The following ALG13 variants were observed in gnomAD, a reference collection of about 807,000 sequenced individuals.
ALG13 encodes UDP-N-acetylglucosamine transferase subunit ALG13.
Under a neutral mutation model 87.8 loss-of-function variants are expected in ALG13, and 11 were observed. The observed-to-expected ratio is 0.13, with a 90% CI of 0.08 to 0.21. ALG13 has a LOEUF of 0.21. Ranked by LOEUF, ALG13 falls within the 10% of genes least tolerant of loss-of-function variation. ALG13 has a pLI of 1.00. For missense variants in ALG13, 756 were observed against 866.1 expected (o/e 0.87, Z 1.60); for synonymous variants, 320 against 306.3 (o/e 1.04, Z -0.47).
At chrX:111,753,898 A>T (rs763372212) in intron 25 of ALG13, among the ~76,000 whole-genome samples, 34 of 112,050 alleles carry the variant, frequency 3.0e-4, no homozygotes, top group Non-Finnish European at 5.5e-4. Flanking sequence ...ATAGAAAGAG[A>T]GGAACTCCTT....
chrX:111,691,721 G>A lies in ALG13; in HGVS notation c.383+6618G>A, dbSNP rs915494536. 4.5e-5 allele frequency among the ~76,000 whole-genome samples: 5 copies of A among 111,683 alleles called. No individual in the cohort carries two copies. In the East Asian group the frequency reaches 1.4e-3, roughly 31 times the overall value. On this transcript the variant is annotated intron_variant, in intron 3 of 26. Transcript: ENST00000394780. ...TTTTCCTAAGAAATTTAGATTGTAT[G>A]TTAGCCACAGGCGTAACGGTATGCT...
rs1425502595 is a variant in ALG13, at chrX:111,685,703, CAG to C, written c.383+601_383+602del. Among the ~76,000 whole-genome samples, 24 of 111,931 alleles carry C rather than the reference CAG, an allele frequency of 2.1e-4. No individual in the cohort carries two copies. The East Asian group carries it at 6.8e-3, about 32-fold the overall frequency. ...GAAATGTACTATGAAGAAAGTAAGACAGGGTGATGTGGTAGCTGGGGTGAAGA... is the reference window on the plus strand; with the variant it reads ...GAAATGTACTATGAAGAAAGTAAGACGGTGATGTGGTAGCTGGGGTGAAGA... On this transcript the variant is annotated intron_variant, in intron 3 of 26. Coordinates refer to ENST00000394780, the MANE Select transcript of ALG13 (RefSeq NM_001099922.3).
At chrX:111,701,231 A>C (rs1203582037) in intron 3 of ALG13, among the ~76,000 whole-genome samples, 2 of 111,905 alleles carry the variant, frequency 1.8e-5, no homozygotes, top group Non-Finnish European at 3.8e-5. Context: ...TTGTAAAATG[A>C]GTTTAGAAAT....
At chrX:111,684,431 T>C (rs1934386579) in intron 2 of ALG13, among the ~76,000 whole-genome samples, 1 of 111,009 alleles carries the variant, frequency 9.0e-6, no homozygotes, top group South Asian at 3.8e-4. Flanking sequence ...AAGCAGTCCT[T>C]CCGCCTCAGG....
intron 24 of ALG13, among the ~76,000 whole-genome samples, chrX:111,747,474 A>T (rs1944346926): frequency 8.9e-6 from 1 of 111,820 alleles, no homozygotes; most frequent in African/African-American, 3.2e-5. Flanking sequence ...AAACATCCAT[A>T]TGCAAGTTTT....
At chrX:111,736,410 G>A (rs906813769) in intron 22 of ALG13, among the ~76,000 whole-genome samples, 2 of 111,327 alleles carry the variant, frequency 1.8e-5, no homozygotes, top group African/African-American at 6.5e-5. Flanking sequence ...TTTGGGGAGC[G>A]GGCAACTAGG....
In ALG13 at chrX:111,735,165, A is replaced by G. The variant is rs776680351; in HGVS notation, c.2529+43A>G. On this transcript the variant is annotated intron_variant, in intron 22 of 26. Transcript: ENST00000394780. The stretch of plus-strand genomic sequence containing the variant: ...ATTAAGCAGTTACAATGGCCTGAAC[A>G]CAGAAAAATGAATTTCCTCTTTTCA... The G allele has an allele frequency of 2.0e-5, 17 of 857,995 alleles. No homozygotes were observed. In the South Asian group the frequency reaches 3.8e-4, roughly 19 times the overall value. The allele number at this position is 857,995 out of a possible 1,213,427, so 70.7% of individuals were successfully genotyped here.
chrX:111,713,502 T>C (rs1225189647), intron 8 of ALG13, among the ~76,000 whole-genome samples: 1 of 111,581 alleles, frequency 9.0e-6, no homozygotes, highest in Non-Finnish European at 1.9e-5. Context: ...TTCTCTGTGA[T>C]AGGAAAAAAG....
chrX:111,736,744 T>A lies in ALG13; in HGVS notation c.2560T>A (p.Ser854Thr). ...MMGNIAAVAA[S>T]CANNVPAPVL... Reference sequence around the variant, plus strand: ...GGGAAATATTGCAGCAGTTGCAGCTTCCTGTGCCAATAATGTTCCAGCTCC... The same window carrying A: ...GGGAAATATTGCAGCAGTTGCAGCTACCTGTGCCAATAATGTTCCAGCTCC... Residue 854 changes from serine to threonine, a missense_variant, in exon 23 of 27, where the codon TCC (serine) becomes ACC (threonine). Coordinates refer to ENST00000394780, the MANE Select transcript of ALG13 (RefSeq NM_001099922.3). 1 of 1,210,750 alleles carries A rather than the reference T, an allele frequency of 8.3e-7. No homozygotes were observed. Among genetic ancestry groups the A allele is most frequent in the Non-Finnish European group, 1.1e-6 (1 of 894,939 alleles).
At chrX:111,724,202 T>G (rs928161494) in intron 14 of ALG13, among the ~76,000 whole-genome samples, 1 of 112,347 alleles carries the variant, frequency 8.9e-6, no homozygotes, top group African/African-American at 3.2e-5. Flanking sequence ...TAACTGAGCC[T>G]CTGCCAGCAT....
intron 12 of ALG13, among the ~76,000 whole-genome samples, chrX:111,722,458 A>T (rs1350364466): frequency 8.9e-6 from 1 of 112,292 alleles, no homozygotes; most frequent in Non-Finnish European, 1.9e-5. Context: ...TGGGAAACAC[A>T]GTAAGTTGTT....
intron 3 of ALG13, chrX:111,688,566 C>CT (rs200714239): frequency 1.6e-4 from 118 of 721,709 alleles, no homozygotes; most frequent in Non-Finnish European, 1.7e-4. Flanking sequence ...GATATATTCA[C>CT]TTTTTTTTTC....
At chrX:111,702,173 C>G (rs904907340) in intron 3 of ALG13, among the ~76,000 whole-genome samples, 3 of 111,905 alleles carry the variant, frequency 2.7e-5, no homozygotes, top group African/African-American at 9.7e-5. Context: ...CTGTATATGT[C>G]TGTTAGGTCC....
chrX:111,703,621 T>C (rs1384022631), intron 3 of ALG13, among the ~76,000 whole-genome samples: 1 of 112,281 alleles, frequency 8.9e-6, no homozygotes, highest in Non-Finnish European at 1.9e-5. Context: ...AGGCATACAG[T>C]GTGTAGCCTT....
chrX:111,727,392 A>C lies in ALG13; in HGVS notation c.2037A>C (p.Pro679=), dbSNP rs764270660. Reference sequence around the variant, plus strand: ...CGGGCCCTAAAGTTGATTTTTACCCAGGCCCAGGTAAAAGGTGCTGCCAGA... The same window carrying C: ...CGGGCCCTAAAGTTGATTTTTACCCCGGCCCAGGTAAAAGGTGCTGCCAGA... ...NMPGPKVDFY[P]GPGKRCCQSY... The change falls in exon 17 of 27, where the codon CCA becomes CCC. Residue 679 remains proline (P), a synonymous_variant. Transcript: ENST00000394780. 1 of 1,208,198 alleles carries C rather than the reference A, an allele frequency of 8.3e-7. No individual in the cohort carries two copies.
At chrX:111,713,014 C>T (rs1438184744) in intron 7 of ALG13, among the ~76,000 whole-genome samples, 3 of 111,402 alleles carry the variant, frequency 2.7e-5, no homozygotes, top group Non-Finnish European at 3.8e-5. Context: ...AAAAAAAAAT[C>T]CATAGGACTT....
At chrX:111,718,822 G>A (rs1427416721) in intron 10 of ALG13, among the ~76,000 whole-genome samples, 1 of 111,703 alleles carries the variant, frequency 9.0e-6, no homozygotes, top group Non-Finnish European at 1.9e-5. Flanking sequence ...TATGCACTGT[G>A]AGTGTGCCTC....
At chrX:111,758,828 G>A (rs781409284) in intron 26 of ALG13, among the ~76,000 whole-genome samples, 10 of 111,715 alleles carry the variant, frequency 9.0e-5, no homozygotes, top group Non-Finnish European at 7.5e-5. Flanking sequence ...AGCCAGGTGC[G>A]GTGGTTCACG....
At chrX:111,736,324 G>T (rs1358485161) in intron 22 of ALG13, among the ~76,000 whole-genome samples, 2 of 111,090 alleles carry the variant, frequency 1.8e-5, no homozygotes, top group Non-Finnish European at 3.8e-5. Context: ...GTTTGCTTGT[G>T]TGGGGCAATA....
Sources: allele counts gnomAD v4.1 joint callset (sites outside exome capture counted in the v4.1 genomes callset), GRCh38; gene constraint gnomAD v4.1.1; transcripts MANE v1.5; gene names NCBI Gene and HGNC (gene_info 2026-07-23, HGNC 2026-07-21).